Variants in TMEM132C observed in about 807,000 individuals in gnomAD.
TMEM132C encodes transmembrane protein 132C.
TMEM132C carries 29 observed loss-of-function variants against 61.4 expected under a neutral mutation model. The ratio of observed to expected loss-of-function variants is 0.47; its 90% CI spans 0.35 to 0.64. TMEM132C has a LOEUF of 0.64. Among genes scored for constraint, TMEM132C ranks in the 30% least tolerant of loss-of-function variants. The pLI is 0.00. For missense variants in TMEM132C, 1,408 were observed against 1,476.9 expected, an observed-to-expected ratio of 0.95 and a Z score of 0.76; for synonymous variants, 656 against 633.1, an observed-to-expected ratio of 1.04 and a Z score of -0.54.
intron 4 of TMEM132C, among the ~76,000 whole-genome samples, chr12:128,667,092 TAGATAGAGATAG>T (rs955598150): frequency 1.3e-5 from 2 of 152,054 alleles, no homozygotes; most frequent in African/African-American, 4.8e-5. Context: ...GATACAGATA[TAGATAGAGATAG>T]AGATAGAGAT....
intron 1 of TMEM132C, among the ~76,000 whole-genome samples, chr12:128,285,347 G>A (rs1262281832): frequency 6.6e-6 from 1 of 151,996 alleles, no homozygotes; most frequent in East Asian, 1.9e-4. Context: ...CCATGCATAT[G>A]TACAATTATT....
chr12:128,529,256 C>T (rs1379319634), intron 2 of TMEM132C, among the ~76,000 whole-genome samples: 3 of 137,492 alleles, frequency 2.2e-5, no homozygotes, highest in African/African-American at 1.1e-4. Context: ...ACACAGAGTA[C>T]CCCCCATCAG....
chr12:128,540,253 T>C (rs1395874460), intron 2 of TMEM132C, among the ~76,000 whole-genome samples: 17 of 152,084 alleles, frequency 1.1e-4, no homozygotes, highest in African/African-American at 2.7e-4. Flanking sequence ...GATTCTCTGT[T>C]TTTGGTTTTG....
rs75145453 is a variant in TMEM132C, at chr12:128,546,158, C to T, written c.1121+2055C>T. On this transcript the variant is annotated intron_variant, in intron 3 of 8. Coordinates refer to ENST00000435159, the MANE Select transcript of TMEM132C (RefSeq NM_001136103.3). ...CCAAGAAGGATTTTAGTGCATCTGGCGGAGGTGAGGTCAGGGACAAGGGTT... is the reference window on the plus strand; with the variant it reads ...CCAAGAAGGATTTTAGTGCATCTGGTGGAGGTGAGGTCAGGGACAAGGGTT... Among the ~76,000 whole-genome samples the T allele has an allele frequency of 1.3e-3, 197 of 152,152 alleles. 4 individuals carry two copies. In the East Asian group the frequency reaches 0.033, roughly 26 times the overall value.
chr12:128,517,180 G>A (rs1175068730), intron 2 of TMEM132C, among the ~76,000 whole-genome samples: 3 of 151,594 alleles, frequency 2.0e-5, no homozygotes, highest in Admixed American at 6.6e-5. Context: ...GCAGTGAGGC[G>A]AGATCACACC....
chr12:128,354,463 T>G (rs574382534), intron 1 of TMEM132C, among the ~76,000 whole-genome samples: 1 of 151,934 alleles, frequency 6.6e-6, no homozygotes, highest in South Asian at 2.1e-4. Flanking sequence ...CTTCTTTTCT[T>G]TCTTCCTTCC....
chr12:128,340,220 A>G (rs550718678), intron 1 of TMEM132C, among the ~76,000 whole-genome samples: 3 of 152,310 alleles, frequency 2.0e-5, no homozygotes, highest in African/African-American at 7.2e-5. Flanking sequence ...GACCTTGAAA[A>G]TGAGTAGTGT....
intron 1 of TMEM132C, among the ~76,000 whole-genome samples, chr12:128,309,667 C>T (rs1871905786): frequency 6.6e-6 from 1 of 152,132 alleles, no homozygotes; most frequent in African/African-American, 2.4e-5. Context: ...TCTCACTCGG[C>T]ATCACTTCTT....
chr12:128,626,141 T>TA (rs1954013633), intron 4 of TMEM132C, among the ~76,000 whole-genome samples: 1 of 151,510 alleles, frequency 6.6e-6, no homozygotes, highest in African/African-American at 2.4e-5. Flanking sequence ...TTTTTTTTTT[T>TA]AATGAGACAG....
intron 2 of TMEM132C, among the ~76,000 whole-genome samples, chr12:128,532,955 A>C (rs773893880): frequency 6.6e-6 from 1 of 152,198 alleles, no homozygotes; most frequent in Non-Finnish European, 1.5e-5. Flanking sequence ...CCTTTGGAAT[A>C]CTGAAAACCC....
intron 1 of TMEM132C, chr12:128,399,985 G>C (rs1040586288): frequency 1.4e-5 from 2 of 143,980 alleles, no homozygotes; most frequent in African/African-American, 4.9e-5. Context: ...GCCCACGAAG[G>C]CTGAACTATC....
chr12:128,626,123 C>T (rs77007069), intron 4 of TMEM132C, among the ~76,000 whole-genome samples: 1 of 147,390 alleles, frequency 6.8e-6, no homozygotes. Context: ...GCATTTCTTT[C>T]TTTCTTTTTT....
chr12:128,579,602 C>T (rs1875254844), intron 3 of TMEM132C, among the ~76,000 whole-genome samples: 1 of 152,208 alleles, frequency 6.6e-6, no homozygotes, highest in Admixed American at 6.5e-5. Flanking sequence ...AAGGAAACTT[C>T]TTGCTTCCCA....
At chr12:128,684,207 G>T (rs566838962) in intron 5 of TMEM132C, among the ~76,000 whole-genome samples, 2 of 151,578 alleles carry the variant, frequency 1.3e-5, no homozygotes, top group South Asian at 4.2e-4. Flanking sequence ...ATGAAATCCT[G>T]GTCTCTCCCA....
chr12:128,376,647 T>G (rs1250215947), intron 1 of TMEM132C, among the ~76,000 whole-genome samples: 1 of 152,220 alleles, frequency 6.6e-6, no homozygotes, highest in African/African-American at 2.4e-5. Flanking sequence ...CTTGGAATTT[T>G]GAAAGCTAAA....
intron 4 of TMEM132C, among the ~76,000 whole-genome samples, chr12:128,633,847 C>A (rs1954080831): frequency 6.6e-6 from 1 of 151,998 alleles, no homozygotes; most frequent in Non-Finnish European, 1.5e-5. Flanking sequence ...TATACCCCAC[C>A]ACCAAAAAAA....
At chr12:128,310,023 A>G (rs1459784870) in intron 1 of TMEM132C, among the ~76,000 whole-genome samples, 1 of 152,204 alleles carries the variant, frequency 6.6e-6, no homozygotes, top group Non-Finnish European at 1.5e-5. Context: ...GGTGTGAGCC[A>G]CCGCACCCAG....
At chr12:128,533,299 T>G (rs1873385839) in intron 2 of TMEM132C, among the ~76,000 whole-genome samples, 1 of 152,188 alleles carries the variant, frequency 6.6e-6, no homozygotes, top group African/African-American at 2.4e-5. Flanking sequence ...AGGGTTGTAA[T>G]GACAGCTTCA....
chr12:128,486,431 G>A (rs114758135), intron 2 of TMEM132C, among the ~76,000 whole-genome samples: 1 of 152,068 alleles, frequency 6.6e-6, no homozygotes. Context: ...GGATTGGGAG[G>A]AAATTAGCCC....
Sources: allele counts gnomAD v4.1 joint callset (sites outside exome capture counted in the v4.1 genomes callset), GRCh38; gene constraint gnomAD v4.1.1; transcripts MANE v1.5; gene names NCBI Gene and HGNC (gene_info 2026-07-23, HGNC 2026-07-21).